The following SLC25A21 variants were observed in gnomAD, a reference collection of about 807,000 sequenced individuals.
The protein encoded by SLC25A21 is solute carrier family 25 member 21, also known as mitochondrial 2-oxodicarboxylate carrier.
A neutral mutation model predicts 43.8 loss-of-function variants in SLC25A21; 47 were observed. The observed-to-expected ratio is 1.07, with a 90% CI of 0.85 to 1.37. The LOEUF (loss-of-function observed/expected upper bound fraction) is 1.37, where lower values mean the gene tolerates loss of function less well. Ranked by LOEUF, SLC25A21 falls within the 40% of genes most tolerant of loss-of-function variation. The pLI is 0.00. For synonymous variants in SLC25A21, 131 were observed against 121.3 expected, an observed-to-expected ratio of 1.08 and a Z score of -0.52; for missense variants, 352 against 350.2, an observed-to-expected ratio of 1.00 and a Z score of -0.04.
In SLC25A21 at chr14:36,760,389, A is replaced by C. The variant is rs144796816; in HGVS notation, c.204-25816T>G. Among the ~76,000 whole-genome samples the C allele has an allele frequency of 6.3e-3, 918 of 146,784 alleles. 3 individuals are homozygous for C. The highest frequency in any genetic ancestry group is 0.013 in the African/African-American group (516 of 39,238). On this transcript the variant is annotated intron_variant, in intron 3 of 9. Transcript: ENST00000331299. Reference sequence around the variant, plus strand: ...GAAGGAAGGAAGGAAGGAAGGAAGGAAGGCAGGCCTCATGAAGAAAATCTC... The same window carrying C: ...GAAGGAAGGAAGGAAGGAAGGAAGGCAGGCAGGCCTCATGAAGAAAATCTC...
chr14:36,874,094 C>T (rs1443837606), intron 2 of SLC25A21, among the ~76,000 whole-genome samples: 1 of 152,212 alleles, frequency 6.6e-6, no homozygotes, highest in African/African-American at 2.4e-5. Flanking sequence ...TTTCAGCAAC[C>T]AGCCTAAGAT....
chr14:36,805,533 C>T (rs76215771), intron 3 of SLC25A21, among the ~76,000 whole-genome samples: 3,179 of 152,190 alleles, frequency 0.021, 93 homozygotes, highest in African/African-American at 0.069. Context: ...TACTTTACAA[C>T]CCAGTACAGC....
chr14:36,805,537 G>C (rs76537711), intron 3 of SLC25A21, among the ~76,000 whole-genome samples: 2,290 of 152,250 alleles, frequency 0.015, 55 homozygotes, highest in East Asian at 0.11. Flanking sequence ...TTACAACCCA[G>C]TACAGCTTCT....
chr14:36,865,854 A>G (rs1439697609), intron 2 of SLC25A21, among the ~76,000 whole-genome samples: 1 of 152,196 alleles, frequency 6.6e-6, no homozygotes. Context: ...TGCATATATA[A>G]CAACACGTGG....
intron 1 of SLC25A21, among the ~76,000 whole-genome samples, chr14:36,896,499 G>C (rs1891242995): frequency 2.6e-5 from 4 of 152,104 alleles, no homozygotes; most frequent in African/African-American, 9.7e-5. Flanking sequence ...TATCCAATTT[G>C]CCAGTCTGTG....
chr14:36,899,379 C>A (rs1485747581), intron 1 of SLC25A21, among the ~76,000 whole-genome samples: 1 of 152,170 alleles, frequency 6.6e-6, no homozygotes, highest in Non-Finnish European at 1.5e-5. Flanking sequence ...TTATAAATAA[C>A]CAAATCTGCA....
rs779746223 is a variant in SLC25A21, at chr14:37,145,442, TACAC to T, written c.70+26835_70+26838del. On this transcript the variant is annotated intron_variant, in intron 1 of 9. Coordinates refer to ENST00000331299, the MANE Select transcript of SLC25A21 (RefSeq NM_030631.4). Reference sequence around the variant, plus strand: ...TGAAGTGAAATCTAAAATACTAAAATACACACACACACACACACACACACACACA... The same window carrying T: ...TGAAGTGAAATCTAAAATACTAAAATACACACACACACACACACACACACA... Among the ~76,000 whole-genome samples the T allele has an allele frequency of 2.3e-3, 338 of 145,336 alleles. 3 individuals are homozygous for T. Among genetic ancestry groups the T allele is most frequent in the African/African-American group, 7.8e-3 (303 of 38,816 alleles).
intron 9 of SLC25A21, 74 bp downstream of exon 9, chr14:36,683,754 T>C: frequency 9.3e-7 from 1 of 1,073,644 alleles, no homozygotes. Context: ...TTGTTGCTGA[T>C]GGACACAAAT....
intron 3 of SLC25A21, among the ~76,000 whole-genome samples, chr14:36,761,905 C>T (rs1886172186): frequency 6.6e-6 from 1 of 152,090 alleles, no homozygotes; most frequent in South Asian, 2.1e-4. Context: ...TGTTCTTTTT[C>T]CTTCCTGCTG....
intron 1 of SLC25A21, among the ~76,000 whole-genome samples, chr14:36,933,497 A>T (rs1195836903): frequency 6.6e-6 from 1 of 152,148 alleles, no homozygotes; most frequent in African/African-American, 2.4e-5. Context: ...TTCGTTTGTT[A>T]TCAAAAGCTT....
intron 5 of SLC25A21, among the ~76,000 whole-genome samples, chr14:36,729,105 G>A (rs1160645565): frequency 2.0e-5 from 3 of 152,284 alleles, no homozygotes; most frequent in Non-Finnish European, 2.9e-5. Flanking sequence ...CCAAGGGATC[G>A]ATCTGAAGTC....
chr14:36,804,186 T>C (rs1259509557), intron 3 of SLC25A21, among the ~76,000 whole-genome samples: 1 of 152,204 alleles, frequency 6.6e-6, no homozygotes, highest in African/African-American at 2.4e-5. Flanking sequence ...TTCTTGTACA[T>C]AGACCAGAAA....
At chr14:36,856,687 T>C (rs1215787742) in intron 2 of SLC25A21, among the ~76,000 whole-genome samples, 1 of 152,190 alleles carries the variant, frequency 6.6e-6, no homozygotes, top group Non-Finnish European at 1.5e-5. Context: ...ACGTTGCTGG[T>C]ATAGCAGAGG....
At chr14:36,902,440 AACACAC>A (rs3061763) in intron 1 of SLC25A21, among the ~76,000 whole-genome samples, 4 of 150,158 alleles carry the variant, frequency 2.7e-5, no homozygotes, top group Admixed American at 6.6e-5. Flanking sequence ...CGTATAGTAA[AACACAC>A]ACACACACAC....
At chr14:37,086,009 G>A (rs549832418) in intron 1 of SLC25A21, among the ~76,000 whole-genome samples, 6 of 152,220 alleles carry the variant, frequency 3.9e-5, no homozygotes, top group African/African-American at 1.4e-4. Context: ...GGAGGCTGAG[G>A]CAGGAGAATG....
intron 3 of SLC25A21, among the ~76,000 whole-genome samples, chr14:36,773,162 T>C (rs1158381998): frequency 2.0e-5 from 3 of 151,124 alleles, no homozygotes; most frequent in African/African-American, 4.8e-5. Context: ...CTTGGTTGCA[T>C]GCACGATGAC....
intron 1 of SLC25A21, among the ~76,000 whole-genome samples, chr14:37,119,572 AAAAAG>A (rs71873543): frequency 0.77 from 115,393 of 150,796 alleles, 48,598 homozygotes; most frequent in South Asian, 0.95. Context: ...AGAAAAAAGA[AAAAAG>A]AAAAGAAAAG....
At chr14:36,957,704 A>G (rs547202560) in intron 1 of SLC25A21, among the ~76,000 whole-genome samples, 2 of 152,358 alleles carry the variant, frequency 1.3e-5, no homozygotes, top group South Asian at 4.1e-4. Flanking sequence ...TGGTGTAAAT[A>G]GTGCATTGAA....
intron 3 of SLC25A21, among the ~76,000 whole-genome samples, chr14:36,754,339 C>T (rs1566576156): frequency 6.6e-6 from 1 of 152,064 alleles, no homozygotes; most frequent in African/African-American, 2.4e-5. Context: ...TCTATAGCAG[C>T]TTATAGCCTT....
Sources: allele counts gnomAD v4.1 joint callset (sites outside exome capture counted in the v4.1 genomes callset), GRCh38; gene constraint gnomAD v4.1.1; transcripts MANE v1.5; gene names NCBI Gene and HGNC (gene_info 2026-07-23, HGNC 2026-07-21).